SLC25A23: variants seen among roughly 807,000 people sequenced by gnomAD.
SLC25A23 encodes solute carrier family 25 member 23.
Under a neutral mutation model 53.9 loss-of-function variants are expected in SLC25A23, and 32 were observed. That is an observed-to-expected ratio of 0.59 (90% CI 0.45 to 0.80). The LOEUF (loss-of-function observed/expected upper bound fraction) is 0.80. Among genes scored for constraint, SLC25A23 ranks in the 30% least tolerant of loss-of-function variants. The probability of loss-of-function intolerance (pLI) is 0.00; values close to 1 mark genes in which losing one functional copy is unlikely to be tolerated. For missense variants in SLC25A23, 575 were observed against 651.4 expected (o/e 0.88, Z 1.28); for synonymous variants, 275 against 264.5 (o/e 1.04, Z -0.38).
At chr19:6,458,988 C>T (rs893485287) in intron 1 of SLC25A23, among the ~76,000 whole-genome samples, 1 of 152,196 alleles carries the variant, frequency 6.6e-6, no homozygotes, top group Middle Eastern at 3.2e-3. Context: ...AGGATTGGGT[C>T]CCTGGCTGGG....
chr19:6,458,256 C>A lies in SLC25A23; in HGVS notation c.225G>T (p.Leu75=). 6.2e-7 allele frequency: 1 copy of A among 1,613,636 alleles called. No individual in the cohort carries two copies. The highest frequency in any genetic ancestry group is 8.5e-7 in the Non-Finnish European group (1 of 1,179,990). Residue 75 remains leucine (L), a synonymous_variant, in exon 2 of 10, where the codon CTG becomes CTT. Transcript: ENST00000301454. ...GCAGCAGACGCTGTTCCCGCTCCTG[C>A]AGATAGCGGGAAAATTCCTCCAGGT... ...GLDLEEFSRY[L]QEREQRLLLM... is the part of the protein sequence containing the mutation.
In SLC25A23 at chr19:6,454,026, G is replaced by C. The variant is rs768845094; in HGVS notation, c.858C>G (p.Gly286=). 1 of 1,613,420 alleles carries C rather than the reference G, an allele frequency of 6.2e-7. No homozygotes were observed. Among genetic ancestry groups the C allele is most frequent in the Non-Finnish European group, 8.5e-7 (1 of 1,179,994 alleles). The change falls in exon 7 of 10, where the codon GGC becomes GGG. Residue 286 remains glycine (G), a synonymous_variant. Coordinates refer to ENST00000301454, the MANE Select transcript of SLC25A23 (RefSeq NM_024103.3). The surrounding 1 kb of genome is among the most constrained non-coding windows in gnomAD (Gnocchi z 4.3). The part of the protein sequence containing the change: ...TLHVQERFVA[G]SLAGATAQTI... Reference sequence around the variant, plus strand: ...TTTGGGCTGTGGCACCAGCCAGGGAGCCAGCCACGAAGCGCTCCTGCACAT... The same window carrying C: ...TTTGGGCTGTGGCACCAGCCAGGGACCCAGCCACGAAGCGCTCCTGCACAT...
At chr19:6,436,497 G>A (rs193022591), downstream of SLC25A23, 1,903 of 350,134 alleles carry the variant, frequency 5.4e-3, 4 homozygotes, top group Middle Eastern at 0.033. Context: ...GAGAAAGGGG[G>A]AGAGAGAGAG....
intron 9 of SLC25A23, 24 bp from the exon 10 acceptor site, chr19:6,442,183 C>G (rs1484246505): frequency 1.8e-5 from 27 of 1,461,740 alleles, no homozygotes; most frequent in Non-Finnish European, 2.3e-5. Flanking sequence ...GGGGGGGCAC[C>G]AGGTAAGGCC....
At chr19:6,437,678 G>A (rs1265740243), downstream of SLC25A23, among the ~76,000 whole-genome samples, 1 of 151,694 alleles carries the variant, frequency 6.6e-6, no homozygotes, top group African/African-American at 2.4e-5. Flanking sequence ...GCATGGTGGC[G>A]GGTGCCTGTA....
chr19:6,439,399 TCACACACACA>T (rs57370920), downstream of SLC25A23, among the ~76,000 whole-genome samples: 15 of 123,988 alleles, frequency 1.2e-4, no homozygotes, highest in South Asian at 8.1e-4. Context: ...TCTCTCTCTC[TCACACACACA>T]CACACACACA....
intron 8 of SLC25A23, among the ~76,000 whole-genome samples, chr19:6,450,785 T>C: frequency 6.6e-6 from 1 of 151,866 alleles, no homozygotes. Flanking sequence ...GGGTCCCTTG[T>C]TCAAAAATTA....
chr19:6,448,465 A>G (rs2092538756), intron 8 of SLC25A23, among the ~76,000 whole-genome samples: 1 of 150,886 alleles, frequency 6.6e-6, no homozygotes, highest in African/African-American at 2.4e-5. Flanking sequence ...CATGCCTGTA[A>G]TCCCAGCATT....
Position 6,441,274 on chromosome 19 carries a change from T to C in SLC25A23, c.*701A>G, listed in dbSNP as rs2144760067. 6.6e-6 allele frequency: 1 copy of C among 151,968 alleles called. No homozygotes were observed. Among genetic ancestry groups the C allele is most frequent in the East Asian group, 2.0e-4 (1 of 5,116 alleles). 9.4% of individuals were successfully genotyped at this position (151,968 alleles called of 1,614,324 possible). ...AGTGAGGGGATCTGGGATCCAGTGA[T>C]GGGGGCCCCAGGATCCAGGCATTGT... On this transcript the variant is annotated 3_prime_UTR_variant, in exon 10 of 10. Coordinates refer to ENST00000301454, the MANE Select transcript of SLC25A23 (RefSeq NM_024103.3).
At chr19:6,448,292 C>T (rs544688539) in intron 8 of SLC25A23, among the ~76,000 whole-genome samples, 23 of 152,174 alleles carry the variant, frequency 1.5e-4, no homozygotes, top group Non-Finnish European at 3.1e-4. Flanking sequence ...CTAGCCCAGG[C>T]ACAGACTGGG....
intron 8 of SLC25A23, among the ~76,000 whole-genome samples, chr19:6,449,287 C>T (rs568847276): frequency 2.1e-5 from 3 of 145,702 alleles, no homozygotes; most frequent in South Asian, 4.3e-4. Context: ...GGATCTTGCT[C>T]TGTTGCTGAA....
rs1242204534 is a variant in SLC25A23, at chr19:6,441,099, G to A, written c.*876C>T. The A allele has an allele frequency of 6.6e-6, 1 of 152,210 alleles. No individual in the cohort carries two copies. Among genetic ancestry groups the A allele is most frequent in the East Asian group, 1.9e-4 (1 of 5,196 alleles). The allele number at this position is 152,210 out of a possible 1,614,324, so 9.4% of individuals were successfully genotyped here. On this transcript the variant is annotated 3_prime_UTR_variant, in exon 10 of 10. Coordinates refer to ENST00000301454, the MANE Select transcript of SLC25A23 (RefSeq NM_024103.3). ...TAGGAGCCAGAATCTGGTGGGTGAA[G>A]GCTTGGGAATCTGGGATCCAGTGCC...
chr19:6,444,109 C>T lies in SLC25A23; in HGVS notation c.1222+42G>A, dbSNP rs1273948871. The T allele has an allele frequency of 5.4e-6, 8 of 1,487,806 alleles. No individual in the cohort carries two copies. In the South Asian group the frequency reaches 5.4e-5, roughly 10 times the overall value. 92.2% of individuals were successfully genotyped at this position (1,487,806 alleles called of 1,614,324 possible). A position where few individuals can be genotyped will look rare whatever the true frequency, so the allele number is the denominator to read the frequency against. On this transcript the variant is annotated intron_variant, in intron 9 of 9. Coordinates refer to ENST00000301454, the MANE Select transcript of SLC25A23 (RefSeq NM_024103.3). ...TACTTGGGAGAAGCTGGGGCCCAAG[C>T]GATGAGACTCCCCCTGCCCCATCCT...
chr19:6,458,069 CTA>C (rs1231795187), intron 2 of SLC25A23, 127 bp downstream of exon 2: 16 of 1,255,572 alleles, frequency 1.3e-5, no homozygotes, highest in South Asian at 1.5e-5. Flanking sequence ...CTGAAATAGC[CTA>C]TGAGTCATCG....
At chr19:6,455,967 C>T (rs2092676029) in intron 4 of SLC25A23, 1 of 1,257,382 alleles carries the variant, frequency 8.0e-7, no homozygotes, top group Non-Finnish European at 1.0e-6. Flanking sequence ...GATCCGCCCA[C>T]TTCGGCCTCC....
chr19:6,443,433 G>T (rs1169765262), intron 9 of SLC25A23: 21 of 554,110 alleles, frequency 3.8e-5, no homozygotes, highest in Non-Finnish European at 6.7e-5. Flanking sequence ...TTGCTATGTT[G>T]CCCGGGCTGG....
chr19:6,442,788 T>C (rs2092441619), intron 9 of SLC25A23, among the ~76,000 whole-genome samples: 1 of 152,098 alleles, frequency 6.6e-6, no homozygotes, highest in African/African-American at 2.4e-5. Context: ...CAACCTCAGG[T>C]GATCCATCCG....
chr19:6,458,472 G>A, intron 1 of SLC25A23, 148 bp from the exon 2 acceptor site: 1 of 882,212 alleles, frequency 1.1e-6, no homozygotes, highest in East Asian at 2.7e-5. Context: ...CCCTCAGTCA[G>A]CTAACTTCTC....
At chr19:6,448,613 G>A (rs1348046595) in intron 8 of SLC25A23, among the ~76,000 whole-genome samples, 1 of 151,876 alleles carries the variant, frequency 6.6e-6, no homozygotes, top group Non-Finnish European at 1.5e-5. Flanking sequence ...TGGGATTACA[G>A]GTGCCCACCA....
Sources: allele counts gnomAD v4.1 joint callset (sites outside exome capture counted in the v4.1 genomes callset), GRCh38; gene constraint gnomAD v4.1.1; non-coding constraint Gnocchi (gnomAD v3.1); transcripts MANE v1.5; gene names NCBI Gene and HGNC (gene_info 2026-07-23, HGNC 2026-07-21).